DCAF5: variants seen among roughly 807,000 people sequenced by gnomAD.
DCAF5 encodes DDB1 and CUL4 associated factor 5, also known as DDB1- and CUL4-associated factor 5.
Under a neutral mutation model 80.7 loss-of-function variants are expected in DCAF5, and 9 were observed. The ratio of observed to expected loss-of-function variants is 0.11; its 90% CI spans 0.07 to 0.19. The LOEUF is 0.19. DCAF5 is among the 10% of genes least tolerant of loss of function. The pLI is 1.00. For missense variants in DCAF5, 842 were observed against 1,205.7 expected (o/e 0.70, Z 4.47); for synonymous variants, 433 against 461.9 (o/e 0.94, Z 0.80).
At chr14:69,141,595 C>T (rs2041376002) in intron 1 of DCAF5, among the ~76,000 whole-genome samples, 1 of 152,166 alleles carries the variant, frequency 6.6e-6, no homozygotes, top group Non-Finnish European at 1.5e-5. Context: ...AATAATTACA[C>T]TGGGACAATG....
chr14:69,139,274 C>T (rs990476180), intron 1 of DCAF5, among the ~76,000 whole-genome samples: 10 of 152,018 alleles, frequency 6.6e-5, no homozygotes, highest in African/African-American at 2.4e-4. Context: ...TCGCTTGAGG[C>T]CAGGAGTTCA....
At chr14:69,133,317 G>A (rs572444172) in intron 1 of DCAF5, among the ~76,000 whole-genome samples, 1 of 152,324 alleles carries the variant, frequency 6.6e-6, no homozygotes, top group Non-Finnish European at 1.5e-5. Context: ...AGGCAGCAAA[G>A]TAAATGAGTC....
At position 69,062,389 on chromosome 14, in the gene DCAF5, T is replaced by C; in HGVS notation, c.1069A>G (p.Ile357Val). 6.2e-7 allele frequency: 1 copy of C among 1,613,748 alleles called. No individual in the cohort carries two copies. Among genetic ancestry groups the C allele is most frequent in the Non-Finnish European group, 8.5e-7 (1 of 1,179,744 alleles). The change falls in exon 8 of 9, where the codon ATC (isoleucine) becomes GTC (valine). Residue 357 changes from isoleucine (I) to valine (V), a missense_variant. Coordinates refer to ENST00000341516, the MANE Select transcript of DCAF5 (RefSeq NM_003861.3). ...MICSSGVEKI[I>V]KIWSPYKQPG... ...AGAAGGGGAAGGTGCCTCACCTTGA[T>C]AATCTTTTCTACACCAGAAGAGCAG...
At chr14:69,128,135 T>C (rs2040930509) in intron 1 of DCAF5, among the ~76,000 whole-genome samples, 2 of 152,048 alleles carry the variant, frequency 1.3e-5, no homozygotes, top group Non-Finnish European at 2.9e-5. Context: ...ACAATTGCTA[T>C]AGATGCATAC....
intron 1 of DCAF5, among the ~76,000 whole-genome samples, chr14:69,151,076 T>TA (rs1230989395): frequency 6.6e-6 from 1 of 152,088 alleles, no homozygotes; most frequent in African/African-American, 2.4e-5. Flanking sequence ...TATGAATACA[T>TA]AAAAAACAAC....
intron 7 of DCAF5, among the ~76,000 whole-genome samples, chr14:69,064,193 A>C (rs755575163): frequency 1.3e-4 from 20 of 152,212 alleles, no homozygotes; most frequent in Non-Finnish European, 2.1e-4. Context: ...TAAAGAACCC[A>C]AAAATAGTTG....
At chr14:69,117,252 G>A (rs1446891418) in intron 4 of DCAF5, among the ~76,000 whole-genome samples, 2 of 152,172 alleles carry the variant, frequency 1.3e-5, no homozygotes, top group Non-Finnish European at 2.9e-5. Flanking sequence ...AGACGAAGGA[G>A]AATTTCACTT....
chr14:69,060,744 C>G (rs1378561441), intron 8 of DCAF5, among the ~76,000 whole-genome samples: 1 of 152,114 alleles, frequency 6.6e-6, no homozygotes, highest in African/African-American at 2.4e-5. Flanking sequence ...TTGGGCCAGG[C>G]TGGTCTCGAA....
intron 7 of DCAF5, 106 bp downstream of exon 7, chr14:69,075,239 A>G (rs28436153): frequency 0.033 from 24,766 of 742,358 alleles, 2,847 homozygotes; most frequent in African/African-American, 0.31. Context: ...AGCTTATGTT[A>G]GAAATGTTGT....
At chr14:69,133,507 C>G (rs1030842009) in intron 1 of DCAF5, among the ~76,000 whole-genome samples, 4 of 152,136 alleles carry the variant, frequency 2.6e-5, no homozygotes, top group African/African-American at 7.2e-5. Context: ...CATAAAACTG[C>G]TGTTCAGTGG....
intron 1 of DCAF5, among the ~76,000 whole-genome samples, chr14:69,128,881 G>C (rs1054565325): frequency 6.6e-6 from 1 of 152,056 alleles, no homozygotes; most frequent in African/African-American, 2.4e-5. Flanking sequence ...ACTTTGAAAG[G>C]TCGAGGTGGG....
intron 1 of DCAF5, among the ~76,000 whole-genome samples, chr14:69,131,955 T>C (rs1489169362): frequency 6.6e-6 from 1 of 152,120 alleles, no homozygotes; most frequent in East Asian, 1.9e-4. Flanking sequence ...ATCCATGTTG[T>C]AGTGTGTGTC....
chr14:69,076,266 T>C (rs1271318304), intron 6 of DCAF5, among the ~76,000 whole-genome samples: 2 of 152,174 alleles, frequency 1.3e-5, no homozygotes, highest in African/African-American at 2.4e-5. Flanking sequence ...AACTACCACA[T>C]GATGCAGCAA....
At chr14:69,123,155 G>A (rs1208030248) in intron 1 of DCAF5, among the ~76,000 whole-genome samples, 3 of 152,222 alleles carry the variant, frequency 2.0e-5, no homozygotes, top group Non-Finnish European at 2.9e-5. Flanking sequence ...AAGCCATTAA[G>A]TTGTTAGATC....
intron 6 of DCAF5, chr14:69,083,850 T>C (rs2039211596): frequency 1.3e-6 from 1 of 744,374 alleles, no homozygotes; most frequent in Non-Finnish European, 2.5e-6. Flanking sequence ...AGCCAGATGA[T>C]GAAGATGACA....
At chr14:69,099,656 T>C (rs1284793548) in intron 5 of DCAF5, among the ~76,000 whole-genome samples, 1 of 151,986 alleles carries the variant, frequency 6.6e-6, no homozygotes, top group Admixed American at 6.6e-5. Context: ...TTAAAGCAAG[T>C]TCCTGGCTGG....
rs540452326 is a variant in DCAF5 at position 69,131,532 on chromosome 14, T to C, written c.215-9172A>G. ...ATATTTGTATAGGAATTCAATCACTTACATATCTCATTTTATTGTCACTTG... is the reference window on the plus strand; with the variant it reads ...ATATTTGTATAGGAATTCAATCACTCACATATCTCATTTTATTGTCACTTG... On this transcript the variant is annotated intron_variant, in intron 1 of 8. Transcript: ENST00000341516. Among the ~76,000 whole-genome samples, 31 of 152,352 alleles carry C rather than the reference T, an allele frequency of 2.0e-4. No homozygotes were observed. The South Asian group carries it at 6.2e-3, about 31-fold the overall frequency.
At chr14:69,074,384 C>T (rs1369012866) in intron 7 of DCAF5, among the ~76,000 whole-genome samples, 2 of 151,300 alleles carry the variant, frequency 1.3e-5, no homozygotes, top group East Asian at 3.9e-4. Flanking sequence ...GATTAAGAAA[C>T]AAACCATCCT....
chr14:69,059,668 C>T (rs964554673), intron 8 of DCAF5, among the ~76,000 whole-genome samples: 4 of 152,188 alleles, frequency 2.6e-5, no homozygotes, highest in African/African-American at 9.7e-5. Context: ...TCCTTACCAC[C>T]TGCCTTCCTG....
Sources: gnomAD v4.1 joint callset for allele counts (sites outside exome capture counted in the v4.1 genomes callset) on GRCh38, gnomAD v4.1.1 for gene constraint, MANE v1.5 for transcripts, NCBI Gene and HGNC (gene_info 2026-07-23, HGNC 2026-07-21) for gene names.